Variants in SFXN5 observed in about 807,000 individuals in gnomAD.
SFXN5 encodes the protein sideroflexin 5, also known as sideroflexin-5.
In SFXN5, 43 loss-of-function variants were observed where a neutral mutation model predicts 50.2. The ratio of observed to expected loss-of-function variants is 0.86; its 90% CI spans 0.67 to 1.11. The LOEUF (loss-of-function observed/expected upper bound fraction) is 1.11, where lower values mean the gene tolerates loss of function less well. SFXN5 is among the 50% of genes least tolerant of loss of function. SFXN5 has a pLI of 0.00. For synonymous variants in SFXN5, 203 were observed against 185.8 expected, an observed-to-expected ratio of 1.09 and a Z score of -0.75; for missense variants, 463 against 454.1, an observed-to-expected ratio of 1.02 and a Z score of -0.18.
intron 3 of SFXN5, among the ~76,000 whole-genome samples, chr2:73,029,292 G>A (rs1178628839): frequency 6.6e-6 from 1 of 152,138 alleles, no homozygotes; most frequent in Non-Finnish European, 1.5e-5. Context: ...CCGAAACCTG[G>A]GCGTTACTTG....
At chr2:73,059,970 C>A (rs1682616335) in intron 1 of SFXN5, 1 of 665,572 alleles carries the variant, frequency 1.5e-6, no homozygotes, top group Non-Finnish European at 1.9e-6. Flanking sequence ...TACTATGCAG[C>A]CTTTAAAACT....
At chr2:73,003,481 T>C (rs1487975322) in intron 6 of SFXN5, among the ~76,000 whole-genome samples, 1 of 152,204 alleles carries the variant, frequency 6.6e-6, no homozygotes, top group Admixed American at 6.5e-5. Context: ...GGAAATATTT[T>C]CCAGTCTCAG....
At chr2:73,060,473 A>G (rs1399864235) in intron 1 of SFXN5, among the ~76,000 whole-genome samples, 6 of 151,504 alleles carry the variant, frequency 4.0e-5, no homozygotes, top group African/African-American at 1.4e-4. Context: ...AAAGACAAAG[A>G]AAGAGTGGGA....
chr2:72,956,613 C>A (rs557867453), intron 13 of SFXN5, among the ~76,000 whole-genome samples: 31 of 152,180 alleles, frequency 2.0e-4, no homozygotes, highest in Non-Finnish European at 3.4e-4. Context: ...ACGTACTTAA[C>A]CTTAATGTGC....
intron 3 of SFXN5, among the ~76,000 whole-genome samples, chr2:73,036,391 T>C (rs539487951): frequency 3.6e-4 from 55 of 152,156 alleles, no homozygotes; most frequent in African/African-American, 1.3e-3. Context: ...TAGGGGGCCA[T>C]AGTGGCAGGC....
intron 10 of SFXN5, among the ~76,000 whole-genome samples, chr2:72,983,502 C>T (rs1320686574): frequency 6.6e-6 from 1 of 152,198 alleles, no homozygotes; most frequent in East Asian, 1.9e-4. Context: ...TCAGGCCTTC[C>T]TCATGAGGAG....
intron 11 of SFXN5, among the ~76,000 whole-genome samples, chr2:72,969,028 G>C (rs913236506): frequency 6.6e-6 from 1 of 151,684 alleles, no homozygotes; most frequent in African/African-American, 2.4e-5. Flanking sequence ...GGCTGGTCTC[G>C]AACTCCTGAC....
Position 73,004,833 on chromosome 2 carries a change from C to T in SFXN5, c.358-3255G>A, listed in dbSNP as rs536611378. On this transcript the variant is annotated intron_variant, in intron 6 of 13. Transcript: ENST00000272433. ...ATTAGGCAAAACGCAGCACCATCTG[C>T]ACAATCCCAGGAGCAAGAGCAGATA... 1.2e-4 allele frequency among the ~76,000 whole-genome samples: 19 copies of T among 152,336 alleles called. No individual in the cohort carries two copies. The South Asian group carries it at 3.9e-3, about 32-fold the overall frequency.
chr2:72,968,779 TTCTTTCTTTCCTCTCTCTC>T (rs1559100957), intron 11 of SFXN5, among the ~76,000 whole-genome samples: 2 of 151,680 alleles, frequency 1.3e-5, no homozygotes, highest in Admixed American at 1.3e-4. Flanking sequence ...TCCTCTCTCT[TTCTTTCTTTCCTCTCTCTC>T]TCTTTCTTTC....
intron 13 of SFXN5, among the ~76,000 whole-genome samples, chr2:72,951,384 A>G (rs947338192): frequency 3.3e-5 from 5 of 152,184 alleles, no homozygotes; most frequent in African/African-American, 9.7e-5. Flanking sequence ...CCTAAGGCCC[A>G]GCTAGAATAG....
At chr2:73,012,533 G>C (rs1159432790) in intron 6 of SFXN5, among the ~76,000 whole-genome samples, 1 of 151,574 alleles carries the variant, frequency 6.6e-6, no homozygotes. Flanking sequence ...AAGAAAATCA[G>C]GCCAACTATT....
chr2:72,955,104 G>GC (rs995028007), intron 13 of SFXN5, among the ~76,000 whole-genome samples: 2 of 152,170 alleles, frequency 1.3e-5, no homozygotes, highest in East Asian at 3.9e-4. Flanking sequence ...GCTCCCGGCT[G>GC]CCCCCCTGCT....
At chr2:72,946,047 T>C (rs1044055984) in intron 13 of SFXN5, among the ~76,000 whole-genome samples, 4 of 152,024 alleles carry the variant, frequency 2.6e-5, no homozygotes, top group African/African-American at 4.8e-5. Flanking sequence ...TGTCCATGCA[T>C]GGCTTTCCAC....
At chr2:72,959,181 C>T (rs1040599178) in intron 13 of SFXN5, among the ~76,000 whole-genome samples, 3 of 152,200 alleles carry the variant, frequency 2.0e-5, no homozygotes, top group Non-Finnish European at 4.4e-5. Context: ...CCACAGCCCT[C>T]GCCTTCTTGT....
intron 1 of SFXN5, chr2:73,059,533 C>A: frequency 1.0e-6 from 1 of 985,216 alleles, no homozygotes. Flanking sequence ...CCTTTCCCTT[C>A]CCAATAAGGA....
At chr2:73,012,295 G>A (rs1008740239) in intron 6 of SFXN5, among the ~76,000 whole-genome samples, 3 of 152,072 alleles carry the variant, frequency 2.0e-5, no homozygotes, top group Non-Finnish European at 4.4e-5. Context: ...TCTGAGCTGA[G>A]AGAACATTCA....
intron 10 of SFXN5, among the ~76,000 whole-genome samples, chr2:72,979,099 T>A (rs1254672681): frequency 6.6e-6 from 1 of 152,228 alleles, no homozygotes; most frequent in Non-Finnish European, 1.5e-5. Context: ...AAAGGATATG[T>A]ACAGTATGGT....
chr2:73,034,851 G>A (rs1378727842), intron 3 of SFXN5, among the ~76,000 whole-genome samples: 2 of 152,176 alleles, frequency 1.3e-5, no homozygotes, highest in African/African-American at 4.8e-5. Context: ...CCCACACAAT[G>A]CATCCAGCAT....
At chr2:72,963,666 G>A (rs1324127472) in intron 12 of SFXN5, among the ~76,000 whole-genome samples, 1 of 152,186 alleles carries the variant, frequency 6.6e-6, no homozygotes. Context: ...AAAGGAAGCT[G>A]GGGGAGCGGA....
Sources: allele counts gnomAD v4.1 joint callset (sites outside exome capture counted in the v4.1 genomes callset), GRCh38; gene constraint gnomAD v4.1.1; transcripts MANE v1.5; gene names NCBI Gene and HGNC (gene_info 2026-07-23, HGNC 2026-07-21).